CNOT1: variants seen among roughly 807,000 people sequenced by gnomAD.
CNOT1 encodes CCR4-associated factor 1.
A neutral mutation model predicts 273.8 loss-of-function variants in CNOT1; 15 were observed. That is an observed-to-expected ratio of 0.05 (90% CI 0.04 to 0.08). The LOEUF (loss-of-function observed/expected upper bound fraction) is 0.08, where lower values mean the gene tolerates loss of function less well. CNOT1 is among the 10% of genes least tolerant of loss of function. The pLI, the probability that CNOT1 is intolerant of heterozygous loss-of-function variation, is 1.00. For missense variants in CNOT1, 1,644 were observed against 2,912.2 expected (o/e 0.56, Z 10.02); for synonymous variants, 1,022 against 1,005.5 (o/e 1.02, Z -0.31).
At chr16:58,521,146 C>A in intron 48 of CNOT1, 37 bp downstream of exon 48, 1 of 1,613,324 alleles carries the variant, frequency 6.2e-7, no homozygotes, top group Non-Finnish European at 8.5e-7. Flanking sequence ...AGTCTCCAGT[C>A]TCATTCCTAG....
At chr16:58,571,950 C>G (rs540404305) in intron 16 of CNOT1, among the ~76,000 whole-genome samples, 3 of 151,918 alleles carry the variant, frequency 2.0e-5, no homozygotes, top group Admixed American at 6.5e-5. Context: ...GCCTGGGGGA[C>G]AGAGGCAGAC....
intron 2 of CNOT1, among the ~76,000 whole-genome samples, chr16:58,593,994 C>A (rs2042156698): frequency 6.6e-6 from 1 of 152,184 alleles, no homozygotes; most frequent in Non-Finnish European, 1.5e-5. Context: ...CCTGTAATCC[C>A]AGCACTTTGG....
chr16:58,556,863 C>G lies in CNOT1; in HGVS notation c.2463G>C (p.Gln821His). ...TSGLNQPTFQ[Q>H]SKMKPSDLSQ... ...ACCACTTACAAGGTTTCATCTTACT[C>G]TGCTGGAATGTAGGCTGATTCAGTC... The change falls in exon 19 of 49, where the codon CAG (glutamine) becomes CAC (histidine). Residue 821 changes from glutamine to histidine, a missense_variant. Around this residue, in one of 13 missense-constraint regions of CNOT1, gnomAD observed 706 missense variants for 1,021.2 expected, o/e 0.69. Coordinates refer to ENST00000317147, the MANE Select transcript of CNOT1 (RefSeq NM_016284.5). 6.2e-7 allele frequency: 1 copy of G among 1,613,726 alleles called. No individual in the cohort carries two copies. Among genetic ancestry groups the G allele is most frequent in the Non-Finnish European group, 8.5e-7 (1 of 1,179,868 alleles).
In CNOT1 at chr16:58,547,381, CT is replaced by C. The variant is rs1462756526; in HGVS notation, c.3640-86del. The C allele has an allele frequency of 6.4e-7, 1 of 1,572,352 alleles. No homozygotes were observed. Among genetic ancestry groups the C allele is most frequent in the East Asian group, 2.3e-5 (1 of 44,426 alleles). On this transcript the variant is annotated intron_variant, in intron 26 of 48. Coordinates refer to ENST00000317147, the MANE Select transcript of CNOT1 (RefSeq NM_016284.5). The surrounding 1 kb of genome is among the most constrained non-coding windows in gnomAD (Gnocchi z 4.0). ...AACCAAAGAAAAGTATTTTGCCAAGCTTATCCCCAAAACAGGAATCAACATA... is the reference window on the plus strand; with the variant it reads ...AACCAAAGAAAAGTATTTTGCCAAGCTATCCCCAAAACAGGAATCAACATA...
At position 58,576,543 on chromosome 16, in the gene CNOT1, T is replaced by C. The variant is rs1277027607; in HGVS notation, c.1624A>G (p.Met542Val). 7 of 1,614,056 alleles carry C rather than the reference T, an allele frequency of 4.3e-6. No individual in the cohort carries two copies. The highest frequency in any genetic ancestry group is 1.3e-5 in the African/African-American group (1 of 74,914). Reference protein sequence around the residue: ...PSIRQLIMHAMAEWYMRGEQY... With the variant: ...PSIRQLIMHAVAEWYMRGEQY... ...TCCCCTCTCATGTACCATTCTGCCA[T>C]TGCATGCATGATAAGTTGGCGAATT... is the stretch of plus-strand genomic sequence containing the variant. The change falls in exon 14 of 49, where the codon ATG (methionine) becomes GTG (valine). Residue 542 changes from methionine to valine, a missense_variant. By Grantham distance (21) the Met-to-Val change is conservative. Transcript: ENST00000317147.
chr16:58,617,901 T>C (rs2043151145), intron 1 of CNOT1, among the ~76,000 whole-genome samples: 1 of 152,166 alleles, frequency 6.6e-6, no homozygotes, highest in African/African-American at 2.4e-5. Context: ...CTTAGCTACT[T>C]GGGCTGCTGT....
chr16:58,601,095 C>T (rs961430240), intron 1 of CNOT1, among the ~76,000 whole-genome samples: 1 of 152,220 alleles, frequency 6.6e-6, no homozygotes, highest in Non-Finnish European at 1.5e-5. Context: ...GCTGGAATTA[C>T]AGGCAACAGC....
intron 16 of CNOT1, among the ~76,000 whole-genome samples, chr16:58,570,591 G>A (rs535790948): frequency 4.6e-5 from 7 of 152,286 alleles, no homozygotes; most frequent in Admixed American, 2.0e-4. Flanking sequence ...CGTGTCCTGC[G>A]TGGGCAACAG....
intron 2 of CNOT1, among the ~76,000 whole-genome samples, chr16:58,590,993 TA>T (rs1040828692): frequency 1.3e-5 from 2 of 152,068 alleles, no homozygotes; most frequent in African/African-American, 4.8e-5. Flanking sequence ...CATTATCTGT[TA>T]ACAAAAAGAA....
At chr16:58,571,892 C>A (rs2041287053) in intron 16 of CNOT1, among the ~76,000 whole-genome samples, 2 of 152,028 alleles carry the variant, frequency 1.3e-5, no homozygotes, top group Admixed American at 6.6e-5. Context: ...TCGCTTAAAC[C>A]TAGGAGGCGG....
chr16:58,591,052 A>C (rs2042034865), intron 2 of CNOT1, among the ~76,000 whole-genome samples: 1 of 152,340 alleles, frequency 6.6e-6, no homozygotes, highest in South Asian at 2.1e-4. Flanking sequence ...ACCTCAGAGA[A>C]GCCTTCTAAG....
chr16:58,526,154 T>C lies in CNOT1; in HGVS notation c.6454-16A>G. On this transcript the variant is annotated splice_polypyrimidine_tract_variant and intron_variant, in intron 44 of 48. Transcript: ENST00000317147. ...ACATGTCCACCTGCCACAGATAAAA[T>C]GCAAGAATCACAAGCAGAATCATTT... 2 of 1,613,406 alleles carry C rather than the reference T, an allele frequency of 1.2e-6. No homozygotes were observed. The highest frequency in any genetic ancestry group is 1.7e-6 in the Non-Finnish European group (2 of 1,179,542).
At chr16:58,611,737 C>A (rs1268219595) in intron 1 of CNOT1, among the ~76,000 whole-genome samples, 1 of 151,254 alleles carries the variant, frequency 6.6e-6, no homozygotes, top group East Asian at 1.9e-4. Context: ...AGGAGAATGG[C>A]ATGAACCCGT....
chr16:58,603,678 T>C (rs1033379382), intron 1 of CNOT1, among the ~76,000 whole-genome samples: 1 of 152,112 alleles, frequency 6.6e-6, no homozygotes, highest in Non-Finnish European at 1.5e-5. Context: ...CACTCTCACC[T>C]TAATGCCTCT....
chr16:58,608,106 G>A (rs375961530), intron 1 of CNOT1, among the ~76,000 whole-genome samples: 67 of 152,118 alleles, frequency 4.4e-4, no homozygotes, highest in East Asian at 2.3e-3. Context: ...AACTCAGGCC[G>A]TGGAGGTTGC....
rs774825208 is a variant in CNOT1, at chr16:58,546,835, G to T, written c.3751-86C>A. On this transcript the variant is annotated intron_variant, in intron 27 of 48. Coordinates refer to ENST00000317147, the MANE Select transcript of CNOT1 (RefSeq NM_016284.5). Reference sequence around the variant, plus strand: ...AAACAATTCAATACAACATAAGGGGGTAGGGGGGAGTCAAACAAATAAAAA... The same window carrying T: ...AAACAATTCAATACAACATAAGGGGTTAGGGGGGAGTCAAACAAATAAAAA... 39 of 1,503,012 alleles carry T rather than the reference G, an allele frequency of 2.6e-5. No individual in the cohort carries two copies. In the Middle Eastern group the frequency reaches 1.2e-3, roughly 47 times the overall value. 93.1% of individuals were successfully genotyped at this position (1,503,012 alleles called of 1,614,324 possible).
intron 22 of CNOT1, 127 bp downstream of exon 22, chr16:58,553,655 A>G: frequency 8.4e-7 from 1 of 1,195,248 alleles, no homozygotes; most frequent in South Asian, 2.1e-5. Context: ...AGATATGTGT[A>G]CCTATATCAT....
At chr16:58,577,586 C>T (rs760927561) in intron 13 of CNOT1, among the ~76,000 whole-genome samples, 12 of 152,032 alleles carry the variant, frequency 7.9e-5, no homozygotes, top group Non-Finnish European at 1.6e-4. Flanking sequence ...AAAAAGGGCA[C>T]TCGGGGTAAA....
At chr16:58,596,525 C>G (rs1015770602) in intron 2 of CNOT1, among the ~76,000 whole-genome samples, 2 of 152,082 alleles carry the variant, frequency 1.3e-5, no homozygotes, top group African/African-American at 4.8e-5. Flanking sequence ...TGGGAAAAGA[C>G]AGGTAAACAG....
Sources: gnomAD v4.1 joint callset for allele counts (sites outside exome capture counted in the v4.1 genomes callset) on GRCh38, gnomAD v4.1.1 for gene constraint, gnomAD v4.1.1 regional missense constraint, Gnocchi (gnomAD v3.1) non-coding constraint, MANE v1.5 for transcripts, NCBI Gene and HGNC (gene_info 2026-07-23, HGNC 2026-07-21) for gene names.